AHCTF1: variants seen among roughly 807,000 people sequenced by gnomAD.
The protein encoded by AHCTF1 is protein ELYS.
In AHCTF1, 24 loss-of-function variants were observed where a neutral mutation model predicts 248.4. The observed-to-expected ratio is 0.10, with a 90% CI of 0.07 to 0.14. The LOEUF is 0.14. Ranked by LOEUF, AHCTF1 falls within the 10% of genes least tolerant of loss-of-function variation. The pLI is 1.00. For missense variants in AHCTF1, 2,206 were observed against 2,636.2 expected, an observed-to-expected ratio of 0.84 and a Z score of 3.57; for synonymous variants, 786 against 929.8, an observed-to-expected ratio of 0.85 and a Z score of 2.81.
intron 26 of AHCTF1, among the ~76,000 whole-genome samples, chr1:246,864,887 A>AAAAAAAAAAAC (rs1661851201): frequency 6.8e-6 from 1 of 147,670 alleles, no homozygotes; most frequent in Non-Finnish European, 1.5e-5. Flanking sequence ...AAAAAAAAAA[A>AAAAAAAAAAAC]AAGACTAGAC....
rs768616035 is a variant in AHCTF1, at chr1:246,895,939, T to C, written c.1624-14A>G. On this transcript the variant is annotated splice_polypyrimidine_tract_variant and intron_variant, in intron 12 of 35. Transcript: ENST00000648844. ...TAACTGTTCTTCCTAAACCATGCAT[T>C]ACAGAAAGGAAAGAAATGGAAAGAA... is the stretch of plus-strand genomic sequence containing the variant. 7 of 1,584,932 alleles carry C rather than the reference T, an allele frequency of 4.4e-6. No individual in the cohort carries two copies. In the Admixed American group the frequency reaches 1.2e-4, roughly 27 times the overall value.
chr1:246,889,227 T>C (rs1330489295), intron 17 of AHCTF1, among the ~76,000 whole-genome samples: 3 of 152,244 alleles, frequency 2.0e-5, no homozygotes, highest in Non-Finnish European at 1.5e-5. Flanking sequence ...GCTGAGTGCC[T>C]ATGATGCAAC....
intron 16 of AHCTF1, among the ~76,000 whole-genome samples, chr1:246,890,340 G>C (rs1664132049): frequency 6.6e-6 from 1 of 152,058 alleles, no homozygotes; most frequent in South Asian, 2.1e-4. Flanking sequence ...TAATTTGAAA[G>C]CAAGAAATGT....
In AHCTF1 at chr1:246,902,664, G is replaced by A. The variant is rs1222905920; in HGVS notation, c.978C>T (p.Tyr326=). 8 of 1,612,224 alleles carry A rather than the reference G, an allele frequency of 5.0e-6. No individual in the cohort carries two copies. The highest frequency in any genetic ancestry group is 5.9e-6 in the Non-Finnish European group (7 of 1,179,136). The change falls in exon 8 of 36, where the codon TAC becomes TAT. Residue 326 remains tyrosine (Y), a synonymous_variant. Transcript: ENST00000648844. ...GGTCCAGGGTGTATCTTTCTTCACA[G>A]TATTCTAACCCCTGTAACATAAAAT... ...SGQILYEGLE[Y]CEERYTLDLT... is the part of the protein sequence containing the mutation.
intron 11 of AHCTF1, 49 bp from the exon 12 acceptor site, chr1:246,898,385 A>G: frequency 6.5e-7 from 1 of 1,532,068 alleles, no homozygotes; most frequent in Non-Finnish European, 8.9e-7. Context: ...AATTTGAATA[A>G]TCAAATTTAA....
intron 30 of AHCTF1, among the ~76,000 whole-genome samples, chr1:246,856,516 G>A (rs552794824): frequency 1.6e-4 from 25 of 152,312 alleles, no homozygotes; most frequent in Non-Finnish European, 3.4e-4. Context: ...AGTTAGCCAA[G>A]ATAGTGAATA....
chr1:246,922,293 G>C (rs1572472594), intron 1 of AHCTF1, among the ~76,000 whole-genome samples: 1 of 152,198 alleles, frequency 6.6e-6, no homozygotes, highest in South Asian at 2.1e-4. Context: ...CCAGGAGGCA[G>C]AGGTTGCAGT....
intron 28 of AHCTF1, 98 bp downstream of exon 28, chr1:246,861,861 G>T: frequency 2.1e-6 from 2 of 968,712 alleles, no homozygotes; most frequent in Non-Finnish European, 3.0e-6. Context: ...AAAATCTATA[G>T]TGGTATTTAA....
intron 21 of AHCTF1, among the ~76,000 whole-genome samples, chr1:246,884,455 A>G (rs1460160259): frequency 6.6e-6 from 1 of 152,246 alleles, no homozygotes; most frequent in Non-Finnish European, 1.5e-5. Context: ...TGGTTCATGT[A>G]TAACACAGCT....
rs376646297 is a variant in AHCTF1 at position 246,840,977 on chromosome 1, A to C, written c.6630T>G (p.Ala2210=). 6.2e-7 allele frequency: 1 copy of C among 1,606,808 alleles called. No individual in the cohort carries two copies. Among genetic ancestry groups the C allele is most frequent in the Non-Finnish European group, 8.5e-7 (1 of 1,178,190 alleles). ...GAATTTCTATGGGAGGAGGTGACCA[A>C]GCACTTTCTTTTTCTGTGTTTCTGA... ...QASKNTEKES[A]WSPPPIEIRL... is the part of the protein sequence containing the mutation. Residue 2210 remains alanine (A), a synonymous_variant, in exon 36 of 36, where the codon GCT becomes GCG. Transcript: ENST00000648844.
chr1:246,884,068 GAAAAA>G lies in AHCTF1; in HGVS notation c.2660+1420_2660+1424del, dbSNP rs199870359. ...TAAACAGTGAGAGGTACATGCAAAT[GAAAAA>G]AAAATTTATATGCTGGTTTCCAACC... On this transcript the variant is annotated intron_variant, in intron 21 of 35. Coordinates refer to ENST00000648844, the MANE Select transcript of AHCTF1 (RefSeq NM_001323342.2). Among the ~76,000 whole-genome samples, 3 of 151,366 alleles carry G rather than the reference GAAAAA, an allele frequency of 2.0e-5. No homozygotes were observed. The South Asian group carries it at 6.2e-4, about 31-fold the overall frequency.
chr1:246,876,881 T>G (rs1663007372), intron 23 of AHCTF1, 69 bp downstream of exon 23: 1 of 1,566,052 alleles, frequency 6.4e-7, no homozygotes, highest in Non-Finnish European at 8.7e-7. Context: ...AGCTCTTATA[T>G]AACAACCAAA....
At chr1:246,899,563 T>C (rs1664849766) in intron 10 of AHCTF1, 51 bp from the exon 11 acceptor site, 5 of 1,422,204 alleles carry the variant, frequency 3.5e-6, no homozygotes, top group Non-Finnish European at 4.9e-6. Context: ...TAAAATGGCA[T>C]TAATAGAACA....
In AHCTF1 at chr1:246,867,891, A is replaced by ACC. The variant is rs936329065; in HGVS notation, c.3089-82_3089-81dup. ...TAAAAGCATATGAAAGAATGATTAC[A>ACC]CCCCCCCCCCCACACACACACACAC... On this transcript the variant is annotated intron_variant, in intron 24 of 35. Transcript: ENST00000648844. 330 of 332,112 alleles carry ACC rather than the reference A, an allele frequency of 9.9e-4. 2 individuals carry two copies. Among genetic ancestry groups the ACC allele is most frequent in the Admixed American group, 1.7e-3 (23 of 13,280 alleles). 20.6% of individuals were successfully genotyped at this position (332,112 alleles called of 1,614,324 possible). A position where few individuals can be genotyped will look rare whatever the true frequency, so the allele number is the denominator to read the frequency against.
chr1:246,915,148 G>A (rs578184158), intron 3 of AHCTF1, among the ~76,000 whole-genome samples: 2 of 152,136 alleles, frequency 1.3e-5, no homozygotes, highest in Admixed American at 6.5e-5. Context: ...TGGCCAACAG[G>A]GTGAAACCCC....
At chr1:246,913,461 T>A in intron 3 of AHCTF1, 49 bp from the exon 4 acceptor site, 1 of 1,525,296 alleles carries the variant, frequency 6.6e-7, no homozygotes, top group African/African-American at 1.4e-5. Flanking sequence ...AGTAAGAAAA[T>A]ATAATTAACA....
rs746071853 is a variant in AHCTF1 at position 246,851,169 on chromosome 1, C to T, written c.4837G>A (p.Val1613Met). The T allele has an allele frequency of 3.1e-6, 5 of 1,613,800 alleles. No individual in the cohort carries two copies. Among genetic ancestry groups the T allele is most frequent in the Middle Eastern group, 3.3e-4 (2 of 6,078 alleles). Residue 1613 changes from valine (V) to methionine (M), a missense_variant, in exon 33 of 36, where the codon GTG becomes ATG. By Grantham distance (21) the Val-to-Met change is conservative. This residue lies in a region of AHCTF1 where 955 missense variants were observed against 1,055.6 expected (regional missense o/e 0.90). Coordinates refer to ENST00000648844, the MANE Select transcript of AHCTF1 (RefSeq NM_001323342.2). ...VEPGDFASSD[V>M]LPKAANTATE... ...GCTGTGTTAGCTGCTTTAGGTAACA[C>T]ATCAGATGATGCAAAATCACCTGGC...
intron 17 of AHCTF1, 65 bp downstream of exon 17, chr1:246,889,901 A>G: frequency 8.2e-7 from 1 of 1,212,522 alleles, no homozygotes; most frequent in Non-Finnish European, 1.2e-6. Flanking sequence ...TTGTAAAACG[A>G]TGAACACTAT....
At chr1:246,863,206 T>A (rs1324403124) in intron 27 of AHCTF1, among the ~76,000 whole-genome samples, 1 of 152,140 alleles carries the variant, frequency 6.6e-6, no homozygotes, top group Non-Finnish European at 1.5e-5. Flanking sequence ...AGAGCACTTA[T>A]TGAGGTATCT....
Sources: allele counts gnomAD v4.1 joint callset (sites outside exome capture counted in the v4.1 genomes callset), GRCh38; gene constraint gnomAD v4.1.1; regional missense constraint gnomAD v4.1.1; transcripts MANE v1.5; gene names NCBI Gene and HGNC (gene_info 2026-07-23, HGNC 2026-07-21).